Variants in CILK1 observed in about 807,000 individuals in gnomAD.
CILK1 encodes ciliogenesis associated kinase 1.
A neutral mutation model predicts 79.2 loss-of-function variants in CILK1; 47 were observed. The ratio of observed to expected loss-of-function variants is 0.59; its 90% CI spans 0.47 to 0.76. CILK1 has a LOEUF of 0.76. Among genes scored for constraint, CILK1 ranks in the 30% least tolerant of loss-of-function variants. CILK1 has a pLI of 0.00. For synonymous variants in CILK1, 266 were observed against 275.9 expected (o/e 0.96, Z 0.36); for missense variants, 660 against 769.5 (o/e 0.86, Z 1.68).
In CILK1 at chr6:53,052,686, G is replaced by A. The variant is rs553813084; in HGVS notation, c.-173+8910C>T. On this transcript the variant is annotated intron_variant, in intron 1 of 13. Coordinates refer to ENST00000676107, the MANE Select transcript of CILK1 (RefSeq NM_014920.5). ...GCGGAGGTTGCAGTGAGCAGAGATC[G>A]CACCACTGTACTCCACCCTGGGACA... is the stretch of plus-strand genomic sequence containing the variant. Among the ~76,000 whole-genome samples, 78 of 151,148 alleles carry A rather than the reference G, an allele frequency of 5.2e-4. 1 individual carries two copies. Among genetic ancestry groups the A allele is most frequent in the African/African-American group, 1.7e-3 (68 of 41,088 alleles).
chr6:53,033,815 C>T (rs1766131083), intron 3 of CILK1, among the ~76,000 whole-genome samples: 1 of 152,154 alleles, frequency 6.6e-6, no homozygotes, highest in Non-Finnish European at 1.5e-5. Flanking sequence ...TAATCAGTTA[C>T]TTCAAGCAGC....
Position 53,018,416 on chromosome 6 carries a change from C to T in CILK1, c.577G>A (p.Val193Ile). The change falls in exon 7 of 14, where the codon GTT (valine) becomes ATT (isoleucine). Residue 193 changes from valine (V) to isoleucine (I), a missense_variant. By Grantham distance (29) the Val-to-Ile change is conservative. Transcript: ENST00000676107. ...VWAVGCIMAE[V>I]YTLRPLFPGA... Reference sequence around the variant, plus strand: ...GGGAAGAGTGGCCTGAGGGTGTAAACTTCTGCCATGATGCAGCCCACCGCC... The same window carrying T: ...GGGAAGAGTGGCCTGAGGGTGTAAATTTCTGCCATGATGCAGCCCACCGCC... The T allele has an allele frequency of 3.1e-6, 5 of 1,614,110 alleles. No individual in the cohort carries two copies. Among genetic ancestry groups the T allele is most frequent in the Non-Finnish European group, 4.2e-6 (5 of 1,180,022 alleles).
chr6:53,024,763 C>A (rs577334564), intron 5 of CILK1, among the ~76,000 whole-genome samples: 19 of 152,146 alleles, frequency 1.2e-4, no homozygotes, highest in African/African-American at 4.6e-4. Flanking sequence ...ACTCCCAATT[C>A]CACCAAGAAA....
At chr6:53,023,709 T>C (rs921276487) in intron 5 of CILK1, among the ~76,000 whole-genome samples, 2 of 152,224 alleles carry the variant, frequency 1.3e-5, no homozygotes, top group African/African-American at 4.8e-5. Flanking sequence ...GAAAATACAC[T>C]AATTGCCATT....
At chr6:53,006,220 T>C (rs1046135254) in intron 13 of CILK1, 95 bp downstream of exon 13, 21 of 1,167,342 alleles carry the variant, frequency 1.8e-5, no homozygotes, top group Non-Finnish European at 2.4e-5. Flanking sequence ...TTTCATTTAT[T>C]GGTGGATCCC....
At position 53,019,358 on chromosome 6, in the gene CILK1, G is replaced by C; in HGVS notation, c.360C>G (p.Gly120=). The change falls in exon 6 of 14, where the codon GGC becomes GGG. Residue 120 remains glycine (G), a splice_region_variant and synonymous_variant. Transcript: ENST00000676107. ...CAGGCTTTAAGTCTCGATGAAAGAA[G>C]CCTATAGAGACAGTAGAGGAGAAGA... ...LQGLAFIHKH[G]FFHRDLKPEN... is the part of the protein sequence containing the mutation. 1 of 1,614,030 alleles carries C rather than the reference G, an allele frequency of 6.2e-7. No individual in the cohort carries two copies.
At position 53,018,421 on chromosome 6, in the gene CILK1, GCCATGATGCA is replaced by G; in HGVS notation, c.562_571del (p.Cys188GlnfsTer44). The G allele has an allele frequency of 1.9e-6, 3 of 1,614,156 alleles. No individual in the cohort carries two copies. Among genetic ancestry groups the G allele is most frequent in the Non-Finnish European group, 2.5e-6 (3 of 1,180,028 alleles). On this transcript the variant is annotated frameshift_variant, in exon 7 of 14. Transcript: ENST00000676107. LOFTEE classifies it high-confidence loss of function. ...GAGTGGCCTGAGGGTGTAAACTTCT[GCCATGATGCA>G]GCCCACCGCCCAGACGTCAATGGGG...
chr6:53,021,796 T>TA (rs550651378), intron 5 of CILK1, among the ~76,000 whole-genome samples: 17,637 of 136,082 alleles, frequency 0.13, 1,459 homozygotes, highest in African/African-American at 0.25. Flanking sequence ...TTCTACTTAC[T>TA]AAAAAAAAAA....
At chr6:53,052,714 G>A (rs1307090233) in intron 1 of CILK1, among the ~76,000 whole-genome samples, 3 of 151,066 alleles carry the variant, frequency 2.0e-5, no homozygotes, top group African/African-American at 7.3e-5. Flanking sequence ...CTGGGACAGA[G>A]TGAGATTCTG....
chr6:53,053,837 T>C (rs1372630261), intron 1 of CILK1, among the ~76,000 whole-genome samples: 2 of 152,202 alleles, frequency 1.3e-5, no homozygotes, highest in Non-Finnish European at 2.9e-5. Context: ...GGTTCCAGTT[T>C]CCACTCAGCA....
intron 7 of CILK1, 103 bp from the exon 8 acceptor site, chr6:53,016,353 C>T (rs1387648218): frequency 9.1e-7 from 1 of 1,103,242 alleles, no homozygotes; most frequent in Non-Finnish European, 1.4e-6. Flanking sequence ...CATGTCATTA[C>T]CCACCCACAT....
intron 5 of CILK1, among the ~76,000 whole-genome samples, chr6:53,030,731 G>T (rs1312910413): frequency 3.3e-5 from 5 of 152,204 alleles, no homozygotes; most frequent in African/African-American, 1.2e-4. Context: ...AGCACTGTTA[G>T]TGGACCAAAC....
intron 9 of CILK1, 59 bp downstream of exon 9, chr6:53,013,603 A>T (rs973683785): frequency 1.8e-5 from 27 of 1,482,056 alleles, no homozygotes; most frequent in Non-Finnish European, 2.4e-5. Context: ...TCACACAATA[A>T]TGGGGTCAGA....
chr6:53,019,841 T>G (rs571934657), intron 5 of CILK1, among the ~76,000 whole-genome samples: 124 of 151,684 alleles, frequency 8.2e-4, no homozygotes, highest in African/African-American at 1.1e-3. Flanking sequence ...TGTTTTTTTT[T>G]TTTTTGTTTT....
chr6:53,022,180 G>A (rs1765286370), intron 5 of CILK1, among the ~76,000 whole-genome samples: 1 of 152,044 alleles, frequency 6.6e-6, no homozygotes, highest in African/African-American at 2.4e-5. Flanking sequence ...AAAAGTTTCA[G>A]CAAGCTAAGA....
chr6:53,037,832 C>G (rs191564856), intron 3 of CILK1, 107 bp downstream of exon 3: 1 of 704,392 alleles, frequency 1.4e-6, no homozygotes, highest in Non-Finnish European at 2.5e-6. Flanking sequence ...CCCTTTCCAG[C>G]ATTAGTGAAA....
rs369769802 is a variant in CILK1 at position 53,029,465 on chromosome 6, T to C, written c.358+1600A>G. ...ACATGCTGATTACTCAGTATGTGCCTGAGGCAGACTAGGATTTGCAGATAG... is the reference window on the plus strand; with the variant it reads ...ACATGCTGATTACTCAGTATGTGCCCGAGGCAGACTAGGATTTGCAGATAG... On this transcript the variant is annotated intron_variant, in intron 5 of 13. Coordinates refer to ENST00000676107, the MANE Select transcript of CILK1 (RefSeq NM_014920.5). Among the ~76,000 whole-genome samples, 43 of 152,360 alleles carry C rather than the reference T, an allele frequency of 2.8e-4. No individual in the cohort carries two copies. The East Asian group carries it at 7.7e-3, about 27-fold the overall frequency.
In CILK1 at chr6:53,006,500, T is replaced by C. The variant is rs1416506776; in HGVS notation, c.1622-63A>G. 3.8e-6 allele frequency: 6 copies of C among 1,583,890 alleles called. No homozygotes were observed. In the African/African-American group the frequency reaches 4.0e-5, roughly 11 times the overall value. On this transcript the variant is annotated intron_variant, in intron 12 of 13. Transcript: ENST00000676107. ...CATGTACCCAGGACACCAACAAGGTTAAATGACAGCACTGCAGAGCAATAA... is the reference window on the plus strand; with the variant it reads ...CATGTACCCAGGACACCAACAAGGTCAAATGACAGCACTGCAGAGCAATAA...
At chr6:53,007,633 TA>T (rs1764303605) in intron 12 of CILK1, among the ~76,000 whole-genome samples, 1 of 152,050 alleles carries the variant, frequency 6.6e-6, no homozygotes, top group South Asian at 2.1e-4. Flanking sequence ...CCCTTTAACC[TA>T]AAATGTTGAC....
Sources: gnomAD v4.1 joint callset for allele counts (sites outside exome capture counted in the v4.1 genomes callset) on GRCh38, gnomAD v4.1.1 for gene constraint, MANE v1.5 for transcripts, NCBI Gene and HGNC (gene_info 2026-07-23, HGNC 2026-07-21) for gene names.